The following UST variants were observed in gnomAD, a reference collection of about 807,000 sequenced individuals.
The protein encoded by UST is chondroitin sulfate 2-O-sulfotransferase.
UST carries 21 observed loss-of-function variants against 45.6 expected under a neutral mutation model. The ratio of observed to expected loss-of-function variants is 0.46; its 90% CI spans 0.33 to 0.66. The LOEUF is 0.66. Among genes scored for constraint, UST ranks in the 30% least tolerant of loss-of-function variants. The pLI is 0.02. For missense variants in UST, 463 were observed against 512.4 expected (o/e 0.90, Z 0.93); for synonymous variants, 215 against 200.6 (o/e 1.07, Z -0.61).
chr6:149,021,688 T>A (rs965752368), intron 7 of UST, among the ~76,000 whole-genome samples: 9 of 152,260 alleles, frequency 5.9e-5, no homozygotes, highest in Admixed American at 3.9e-4. Flanking sequence ...AAAAGCACCA[T>A]GTTCCAAAGG....
intron 7 of UST, among the ~76,000 whole-genome samples, chr6:149,057,255 C>T (rs1421480464): frequency 1.3e-5 from 2 of 152,128 alleles, no homozygotes; most frequent in Non-Finnish European, 2.9e-5. Flanking sequence ...ATTTCAAGTG[C>T]ACTAAATGTT....
At position 148,747,488 on chromosome 6, in the gene UST, C is replaced by G; in HGVS notation, c.58C>G (p.Pro20Ala). ...GGADPWPHGA[P>A]MGGAPPGLGS... ...CGCGGATCCCTGGCCCCATGGGGCCCCTATGGGGGGCGCCCCTCCGGGCCT... is the reference window on the plus strand; with the variant it reads ...CGCGGATCCCTGGCCCCATGGGGCCGCTATGGGGGGCGCCCCTCCGGGCCT... The change falls in exon 1 of 8, where the codon CCT (proline) becomes GCT (alanine). Residue 20 changes from proline (P) to alanine (A), a missense_variant. Physicochemically the swap from Pro to Ala is conservative, Grantham distance 27. Coordinates refer to ENST00000367463, the MANE Select transcript of UST (RefSeq NM_005715.3). 1 of 1,514,674 alleles carries G rather than the reference C, an allele frequency of 6.6e-7. No homozygotes were observed. Among genetic ancestry groups the G allele is most frequent in the Non-Finnish European group, 8.8e-7 (1 of 1,130,940 alleles). 93.8% of individuals were successfully genotyped at this position (1,514,674 alleles called of 1,614,324 possible).
At chr6:148,992,515 G>T (rs897418488) in intron 5 of UST, among the ~76,000 whole-genome samples, 1 of 152,064 alleles carries the variant, frequency 6.6e-6, no homozygotes, top group African/African-American at 2.4e-5. Context: ...CCTGCCGGGG[G>T]TCTGTGGACC....
chr6:148,945,467 T>G (rs531204496), intron 3 of UST, among the ~76,000 whole-genome samples: 1 of 152,306 alleles, frequency 6.6e-6, no homozygotes, highest in East Asian at 1.9e-4. Context: ...CAGAAAACTT[T>G]TTCTTTAATG....
At chr6:148,983,321 C>T (rs1203136445) in intron 5 of UST, among the ~76,000 whole-genome samples, 1 of 152,004 alleles carries the variant, frequency 6.6e-6, no homozygotes. Context: ...GTGAGCCTAC[C>T]GTCATTGGCA....
At chr6:149,055,936 C>T (rs1776555965) in intron 7 of UST, among the ~76,000 whole-genome samples, 1 of 151,974 alleles carries the variant, frequency 6.6e-6, no homozygotes, top group African/African-American at 2.4e-5. Context: ...CTGTTGTTGA[C>T]CTAAAACCTA....
At position 148,790,413 on chromosome 6, in the gene UST, C is replaced by T. The variant is rs1404719603; in HGVS notation, c.247+42736C>T. 6.6e-6 allele frequency among the ~76,000 whole-genome samples: 1 copy of T among 152,184 alleles called. No homozygotes were observed. The highest frequency in any genetic ancestry group is 1.9e-4 in the East Asian group (1 of 5,196). ...AGACCACAAGGTTCTGAAAAAGAGG[C>T]CACTGGTTCAGATGAGGGCAAGGCA... On this transcript the variant is annotated intron_variant, in intron 1 of 7. Transcript: ENST00000367463. The surrounding 1 kb of genome is among the most constrained non-coding windows in gnomAD (Gnocchi z 4.2).
chr6:149,017,793 CAT>C (rs772511492), intron 5 of UST, among the ~76,000 whole-genome samples: 55 of 54,406 alleles, frequency 1.0e-3, no homozygotes, highest in African/African-American at 2.3e-3. Context: ...AATGAATATC[CAT>C]ATATACACAC....
intron 1 of UST, among the ~76,000 whole-genome samples, chr6:148,765,585 T>G (rs976169633): frequency 3.3e-5 from 5 of 152,194 alleles, no homozygotes; most frequent in Non-Finnish European, 4.4e-5. Context: ...TGAGGTGACA[T>G]ACATCCTCAG....
chr6:148,831,047 A>T (rs1398655208), intron 1 of UST, among the ~76,000 whole-genome samples: 1 of 147,176 alleles, frequency 6.8e-6, no homozygotes, highest in Non-Finnish European at 1.5e-5. Context: ...TAAAAGAAAG[A>T]TGAAAGAAAA....
intron 1 of UST, among the ~76,000 whole-genome samples, chr6:148,817,347 C>G (rs935301667): frequency 6.6e-6 from 1 of 152,148 alleles, no homozygotes; most frequent in African/African-American, 2.4e-5. Flanking sequence ...TGAAAAGAGT[C>G]AAACTCTGTA....
chr6:148,776,686 T>C (rs1239317169), intron 1 of UST, among the ~76,000 whole-genome samples: 1 of 152,220 alleles, frequency 6.6e-6, no homozygotes, highest in African/African-American at 2.4e-5. Context: ...TTAACCATCA[T>C]ACCCTCCCCT....
chr6:149,075,443 AG>A lies in UST; in HGVS notation c.*1328del, dbSNP rs1224877171. 6.6e-6 allele frequency: 1 copy of A among 152,154 alleles called. No homozygotes were observed. Among genetic ancestry groups the A allele is most frequent in the East Asian group, 1.9e-4 (1 of 5,184 alleles). 9.4% of individuals were successfully genotyped at this position (152,154 alleles called of 1,614,324 possible). The stretch of plus-strand genomic sequence containing the variant: ...ACTCTTACTTGAGACATCAAAAAGA[AG>A]CAGCAAGAGCTTCTGGGACAGAGAC... On this transcript the variant is annotated 3_prime_UTR_variant, in exon 8 of 8. Transcript: ENST00000367463.
Position 149,074,320 on chromosome 6 carries a change from G to T in UST, c.*204G>T, listed in dbSNP as rs1222238043. On this transcript the variant is annotated 3_prime_UTR_variant, in exon 8 of 8. Coordinates refer to ENST00000367463, the MANE Select transcript of UST (RefSeq NM_005715.3). ...TTCTGTGTTTTCTCTTGGCTCTTTGGGTCTTTCCCGGGTACACTAGATGGC... is the reference window on the plus strand; with the variant it reads ...TTCTGTGTTTTCTCTTGGCTCTTTGTGTCTTTCCCGGGTACACTAGATGGC... The T allele has an allele frequency of 1.3e-5, 8 of 611,494 alleles. No individual in the cohort carries two copies. Among genetic ancestry groups the T allele is most frequent in the African/African-American group, 9.3e-5 (5 of 54,026 alleles). The allele number at this position is 611,494 out of a possible 1,614,324, so 37.9% of individuals were successfully genotyped here. A position where few individuals can be genotyped will look rare whatever the true frequency, so the allele number is the denominator to read the frequency against.
chr6:148,881,957 A>G (rs928935878), intron 1 of UST, among the ~76,000 whole-genome samples: 3 of 152,232 alleles, frequency 2.0e-5, no homozygotes, highest in Non-Finnish European at 4.4e-5. Context: ...CCCTAGAAGA[A>G]GAGAAACTCA....
intron 7 of UST, among the ~76,000 whole-genome samples, chr6:149,054,344 G>C (rs1170689868): frequency 2.0e-5 from 3 of 152,140 alleles, no homozygotes; most frequent in Non-Finnish European, 4.4e-5. Flanking sequence ...GGTAGAAATG[G>C]TGTAAAAGTT....
intron 7 of UST, among the ~76,000 whole-genome samples, chr6:149,072,258 A>C (rs767732610): frequency 6.6e-6 from 1 of 152,266 alleles, no homozygotes; most frequent in Non-Finnish European, 1.5e-5. Flanking sequence ...TGTTCATTAT[A>C]ATAAGCAAAA....
At chr6:148,905,021 G>T (rs1254205655) in intron 2 of UST, among the ~76,000 whole-genome samples, 1 of 152,140 alleles carries the variant, frequency 6.6e-6, no homozygotes, top group Non-Finnish European at 1.5e-5. Flanking sequence ...CCTCATCCTG[G>T]CAAAGCCAAG....
intron 4 of UST, among the ~76,000 whole-genome samples, chr6:148,959,390 C>T (rs1780600132): frequency 6.6e-6 from 1 of 152,196 alleles, no homozygotes; most frequent in Non-Finnish European, 1.5e-5. Context: ...CTGAAGAAAG[C>T]ACCAAAGTAA....
Sources: allele counts gnomAD v4.1 joint callset (sites outside exome capture counted in the v4.1 genomes callset), GRCh38; gene constraint gnomAD v4.1.1; non-coding constraint Gnocchi (gnomAD v3.1); transcripts MANE v1.5; gene names NCBI Gene and HGNC (gene_info 2026-07-23, HGNC 2026-07-21).